The following TRPC4AP variants were observed in gnomAD, a reference collection of about 807,000 sequenced individuals.
TRPC4AP encodes short transient receptor potential channel 4-associated protein.
TRPC4AP carries 45 observed loss-of-function variants against 99.0 expected under a neutral mutation model. That is an observed-to-expected ratio of 0.45 (90% CI 0.36 to 0.58). The LOEUF (loss-of-function observed/expected upper bound fraction) is 0.58, where lower values mean the gene tolerates loss of function less well. Ranked by LOEUF, TRPC4AP falls within the 20% of genes least tolerant of loss-of-function variation. TRPC4AP has a pLI of 0.00. For missense variants in TRPC4AP, 879 were observed against 985.3 expected (o/e 0.89, Z 1.44); for synonymous variants, 408 against 385.8 (o/e 1.06, Z -0.67).
intron 1 of TRPC4AP, among the ~76,000 whole-genome samples, chr20:35,087,810 G>C (rs1239789167): frequency 1.3e-5 from 2 of 152,108 alleles, no homozygotes; most frequent in Non-Finnish European, 1.5e-5. Context: ...ACAAAACGAA[G>C]GGAAGAAAAT....
chr20:35,038,934 C>T (rs894961739), intron 7 of TRPC4AP, among the ~76,000 whole-genome samples: 4 of 152,100 alleles, frequency 2.6e-5, no homozygotes, highest in African/African-American at 9.7e-5. Flanking sequence ...ATTAGTCGGG[C>T]CTGGTGGCGC....
intron 1 of TRPC4AP, among the ~76,000 whole-genome samples, chr20:35,089,020 C>T (rs1315736327): frequency 2.7e-5 from 4 of 146,872 alleles, no homozygotes; most frequent in Non-Finnish European, 6.0e-5. Context: ...GAATATACTT[C>T]ACATTACTTA....
At chr20:35,021,669 C>A (rs1381184279) in intron 8 of TRPC4AP, among the ~76,000 whole-genome samples, 4 of 152,172 alleles carry the variant, frequency 2.6e-5, no homozygotes, top group Admixed American at 2.6e-4. Context: ...ACCAACCAGA[C>A]CCCCAGGAAG....
chr20:35,025,461 C>G (rs2083005605), intron 8 of TRPC4AP, among the ~76,000 whole-genome samples: 1 of 152,206 alleles, frequency 6.6e-6, no homozygotes, highest in Non-Finnish European at 1.5e-5. Context: ...GTGCCAGCCA[C>G]TGTGCCTGGC....
intron 3 of TRPC4AP, among the ~76,000 whole-genome samples, chr20:35,067,370 G>A (rs1269871208): frequency 6.6e-6 from 1 of 152,160 alleles, no homozygotes; most frequent in Non-Finnish European, 1.5e-5. Context: ...GATAACAAGT[G>A]TTGGCAAGGA....
At position 35,019,946 on chromosome 20, in the gene TRPC4AP, A is replaced by C. The variant is rs573539842; in HGVS notation, c.1218+1244T>G. On this transcript the variant is annotated intron_variant, in intron 9 of 18. Coordinates refer to ENST00000252015, the MANE Select transcript of TRPC4AP (RefSeq NM_015638.3). ...TCAAATCTACCTTGTACAAAACACA[A>C]CTCCCCATCTTCCTCCCTAAGCCTG... Among the ~76,000 whole-genome samples the C allele has an allele frequency of 2.6e-5, 4 of 151,462 alleles. No homozygotes were observed. The South Asian group carries it at 8.4e-4, about 32-fold the overall frequency.
rs1332227983 is a variant in TRPC4AP, at chr20:35,078,106, G to A, written c.237C>T (p.Leu79=). 6.2e-7 allele frequency: 1 copy of A among 1,614,060 alleles called. No homozygotes were observed. ...SKWSGIPQLL[L]KLHTTSHLHS... is the part of the protein sequence containing the mutation. ...GGAGGTGGCTGGTGGTGTGCAGCTTGAGGAGCAGCTGAGGAATTCCACTCC... is the reference window on the plus strand; with the variant it reads ...GGAGGTGGCTGGTGGTGTGCAGCTTAAGGAGCAGCTGAGGAATTCCACTCC... The change falls in exon 2 of 19, where the codon CTC becomes CTT. Residue 79 remains leucine (L), a synonymous_variant. Transcript: ENST00000252015.
rs149170871 is a variant in TRPC4AP, at chr20:35,023,686, G to A, written c.1052-2330C>T. The stretch of plus-strand genomic sequence containing the variant: ...TGAAGTGAACCTGAAGAACTATCAC[G>A]CAGAATCCTGCCTCTGTCGTGCACT... On this transcript the variant is annotated intron_variant, in intron 8 of 18. Transcript: ENST00000252015. Among the ~76,000 whole-genome samples, 1,140 of 152,312 alleles carry A rather than the reference G, an allele frequency of 7.5e-3. 12 individuals carry two copies. The highest frequency in any genetic ancestry group is 0.024 in the African/African-American group (984 of 41,568).
At chr20:35,008,585 AG>A in intron 13 of TRPC4AP, 78 bp downstream of exon 13, 1 of 1,249,362 alleles carries the variant, frequency 8.0e-7, no homozygotes, top group Non-Finnish European at 1.1e-6. Context: ...TGGTGACTAA[AG>A]GAGGTATTCC....
intron 9 of TRPC4AP, 45 bp from the exon 10 acceptor site, chr20:35,016,184 A>G: frequency 2.5e-6 from 4 of 1,612,408 alleles, no homozygotes; most frequent in Non-Finnish European, 3.4e-6. Context: ...AATGTGCTTG[A>G]AAAATCTAGC....
chr20:35,042,136 A>G (rs761686945), intron 7 of TRPC4AP, among the ~76,000 whole-genome samples: 3 of 152,206 alleles, frequency 2.0e-5, no homozygotes, highest in Non-Finnish European at 2.9e-5. Flanking sequence ...ATTTCCTAAA[A>G]TGAGAACTCC....
chr20:35,045,787 A>T (rs1227533263), intron 6 of TRPC4AP, among the ~76,000 whole-genome samples: 1 of 151,768 alleles, frequency 6.6e-6, no homozygotes, highest in Non-Finnish European at 1.5e-5. Context: ...TGATCCATCC[A>T]CCTTGGCCTC....
chr20:35,086,982 G>A (rs1003251638), intron 1 of TRPC4AP, among the ~76,000 whole-genome samples: 25 of 151,494 alleles, frequency 1.7e-4, no homozygotes, highest in Middle Eastern at 3.2e-3. Context: ...GCAGTGAGCC[G>A]AGACTGTGCA....
At chr20:35,027,895 G>A (rs1362910788) in intron 8 of TRPC4AP, among the ~76,000 whole-genome samples, 1 of 151,492 alleles carries the variant, frequency 6.6e-6, no homozygotes. Context: ...TTTCTTTTTT[G>A]GTCAGTGTGG....
At chr20:35,017,352 G>A (rs143221361) in intron 9 of TRPC4AP, among the ~76,000 whole-genome samples, 1 of 152,306 alleles carries the variant, frequency 6.6e-6, no homozygotes, top group Non-Finnish European at 1.5e-5. Context: ...GGTAAAATTA[G>A]CTGCTTCATG....
At chr20:35,050,843 G>T (rs2083680509) in intron 5 of TRPC4AP, among the ~76,000 whole-genome samples, 2 of 151,746 alleles carry the variant, frequency 1.3e-5, no homozygotes. Flanking sequence ...ATTTAAAACT[G>T]CAGTATTGTC....
intron 18 of TRPC4AP, 21 bp from the exon 19 acceptor site, chr20:35,003,304 T>TG (rs59909520): frequency 0.092 from 148,460 of 1,613,606 alleles, 7,569 homozygotes; most frequent in South Asian, 0.16. Flanking sequence ...AGGGAGGGGC[T>TG]GGGGGGCGCC....
rs763617564 is a variant in TRPC4AP at position 35,044,575 on chromosome 20, C to A, written c.795G>T (p.Thr265=). 6.2e-7 allele frequency: 1 copy of A among 1,614,086 alleles called. No homozygotes were observed. The highest frequency in any genetic ancestry group is 8.5e-7 in the Non-Finnish European group (1 of 1,180,000). ...TCTGTTGAGCATTTTTGGCAAGAAG[C>A]GTGTGCTTGTCATCATTCCCTGTAT... is the stretch of plus-strand genomic sequence containing the variant. ...EMDTGNDDKH[T]LLAKNAQQKK... is the part of the protein sequence containing the mutation. Residue 265 remains threonine (T), a synonymous_variant, in exon 7 of 19, where the codon ACG becomes ACT. Transcript: ENST00000252015.
chr20:35,027,491 G>A (rs1338114338), intron 8 of TRPC4AP, among the ~76,000 whole-genome samples: 3 of 152,198 alleles, frequency 2.0e-5, no homozygotes, highest in Non-Finnish European at 4.4e-5. Context: ...CTGGTCTTGT[G>A]ATGTCTTTAT....
Sources: allele counts gnomAD v4.1 joint callset (sites outside exome capture counted in the v4.1 genomes callset), GRCh38; gene constraint gnomAD v4.1.1; transcripts MANE v1.5; gene names NCBI Gene and HGNC (gene_info 2026-07-23, HGNC 2026-07-21).